Variants in DLEU7 observed in about 807,000 individuals in gnomAD.
The protein encoded by DLEU7 is leukemia-associated protein 7.
In DLEU7, 17 loss-of-function variants were observed where a neutral mutation model predicts 16.0. The observed-to-expected ratio is 1.06, with a 90% CI of 0.73 to 1.59. DLEU7 has a LOEUF of 1.59. Ranked by LOEUF, DLEU7 falls within the 40% of genes most tolerant of loss-of-function variation. DLEU7 has a pLI of 0.00. For synonymous variants in DLEU7, 113 were observed against 139.8 expected (o/e 0.81, Z 1.35); for missense variants, 308 against 314.9 (o/e 0.98, Z 0.17).
At chr13:50,734,308 A>G (rs1284305204) in intron 1 of DLEU7, among the ~76,000 whole-genome samples, 1 of 152,256 alleles carries the variant, frequency 6.6e-6, no homozygotes, top group Non-Finnish European at 1.5e-5. Context: ...GAGAACTGGT[A>G]CTACTAACCT....
intron 1 of DLEU7, among the ~76,000 whole-genome samples, chr13:50,763,315 A>C (rs1222355339): frequency 1.3e-5 from 2 of 152,190 alleles, no homozygotes; most frequent in Non-Finnish European, 2.9e-5. Flanking sequence ...TCACATTTGC[A>C]TTTTAGGAAA....
At chr13:50,843,909 A>C, upstream of DLEU7, 33 of 450,778 alleles carry the variant, frequency 7.3e-5, no homozygotes, top group Middle Eastern at 5.8e-4. The surrounding 1 kb of genome is among the most constrained non-coding windows in gnomAD (Gnocchi z 5.7). Context: ...AATCAGCGAA[A>C]TGCTGAGCGT....
At chr13:50,774,742 A>G (rs1875443698) in intron 1 of DLEU7, among the ~76,000 whole-genome samples, 1 of 151,822 alleles carries the variant, frequency 6.6e-6, no homozygotes. Flanking sequence ...TTTTGAGACA[A>G]TTGCACAGCT....
chr13:50,826,807 G>A (rs1249686132), intron 1 of DLEU7, among the ~76,000 whole-genome samples: 1 of 152,070 alleles, frequency 6.6e-6, no homozygotes. Context: ...GGACTTCAAC[G>A]AATGACAAGA....
At chr13:50,715,681 C>T (rs888806799) in intron 1 of DLEU7, among the ~76,000 whole-genome samples, 1 of 152,184 alleles carries the variant, frequency 6.6e-6, no homozygotes, top group African/African-American at 2.4e-5. Context: ...CTGGAGGAGA[C>T]GTGTGTTAGG....
chr13:50,785,039 G>T (rs1875761323), intron 1 of DLEU7, among the ~76,000 whole-genome samples: 1 of 152,150 alleles, frequency 6.6e-6, no homozygotes, highest in Non-Finnish European at 1.5e-5. Context: ...CATGCCCTAT[G>T]GAAGTGCCAT....
chr13:50,745,016 C>G (rs529612230), intron 1 of DLEU7, among the ~76,000 whole-genome samples: 95 of 152,078 alleles, frequency 6.2e-4, no homozygotes, highest in African/African-American at 1.9e-3. Flanking sequence ...GGTGGTTCCT[C>G]AAAAAAGGCA....
At chr13:50,755,759 G>C (rs373457878) in intron 1 of DLEU7, among the ~76,000 whole-genome samples, 36 of 151,838 alleles carry the variant, frequency 2.4e-4, no homozygotes, top group African/African-American at 8.5e-4. Context: ...TTTTGAGGGG[G>C]GGGGCACGGT....
At chr13:50,728,132 A>G (rs574920337) in intron 1 of DLEU7, among the ~76,000 whole-genome samples, 3 of 152,306 alleles carry the variant, frequency 2.0e-5, no homozygotes, top group South Asian at 4.1e-4. Flanking sequence ...AGCCCTGGCC[A>G]CAGGAACACC....
chr13:50,814,921 C>A (rs530055501), intron 1 of DLEU7, among the ~76,000 whole-genome samples: 6 of 151,822 alleles, frequency 4.0e-5, no homozygotes, highest in African/African-American at 1.4e-4. Flanking sequence ...GTGAAGAATT[C>A]ATCAGACTCC....
Position 50,769,871 on chromosome 13 carries a change from T to C in DLEU7, c.460-56631A>G, listed in dbSNP as rs140916199. 4.7e-3 allele frequency among the ~76,000 whole-genome samples: 709 copies of C among 152,356 alleles called. 11 individuals are homozygous for C. Among genetic ancestry groups the C allele is most frequent in the African/African-American group, 0.016 (682 of 41,588 alleles). ...GATGGCATTGAATCTATAAATTACC[T>C]TGGGCAGTATGGCCATTTTCACGAC... On this transcript the variant is annotated intron_variant, in intron 1 of 1. Transcript: ENST00000400393.
At chr13:50,746,209 A>C (rs1401237910) in intron 1 of DLEU7, among the ~76,000 whole-genome samples, 1 of 152,256 alleles carries the variant, frequency 6.6e-6, no homozygotes, top group Non-Finnish European at 1.5e-5. Flanking sequence ...AAACAAATAC[A>C]TATTTATTTA....
intron 1 of DLEU7, among the ~76,000 whole-genome samples, chr13:50,840,445 G>C (rs985025481): frequency 1.3e-5 from 2 of 152,138 alleles, no homozygotes; most frequent in Non-Finnish European, 2.9e-5. Flanking sequence ...GCTCCCAAGG[G>C]AACAAATCAT....
chr13:50,711,772 C>CCGGGGGGGA, downstream of DLEU7: 1 of 72,928 alleles, frequency 1.4e-5, no homozygotes, highest in African/African-American at 3.9e-5. Context: ...GACCCAGTGG[C>CCGGGGGGGA]GGGGGCGGGG....
chr13:50,808,445 C>T (rs1876460594), intron 1 of DLEU7: 1 of 152,050 alleles, frequency 6.6e-6, no homozygotes, highest in African/African-American at 2.4e-5. Flanking sequence ...CAAGAAGTAC[C>T]AAGTGTTTCT....
chr13:50,776,816 G>A (rs1294698922), intron 1 of DLEU7, among the ~76,000 whole-genome samples: 2 of 152,028 alleles, frequency 1.3e-5, no homozygotes, highest in Non-Finnish European at 2.9e-5. Flanking sequence ...GCCATGTTCT[G>A]GAATAGAAAT....
Position 50,712,903 on chromosome 13 carries a change from A to T in DLEU7, c.*314T>A, listed in dbSNP as rs566970513. The T allele has an allele frequency of 2.7e-4, 90 of 330,714 alleles. No homozygotes were observed. In the South Asian group the frequency reaches 6.0e-3, roughly 22 times the overall value. The allele number at this position is 330,714 out of a possible 1,614,324, so 20.5% of individuals were successfully genotyped here. A position where few individuals can be genotyped will look rare whatever the true frequency, so the allele number is the denominator to read the frequency against. On this transcript the variant is annotated 3_prime_UTR_variant, in exon 2 of 2. Coordinates refer to the DLEU7 transcript ENST00000400393. ...GGGATAATTTTCCTGAAGAGCAAACAGGGGTAGGGAATTTGTCACGATCTT... is the reference window on the plus strand; with the variant it reads ...GGGATAATTTTCCTGAAGAGCAAACTGGGGTAGGGAATTTGTCACGATCTT...
chr13:50,776,793 T>C (rs532300515), intron 1 of DLEU7, among the ~76,000 whole-genome samples: 1 of 152,358 alleles, frequency 6.6e-6, no homozygotes, highest in East Asian at 1.9e-4. Context: ...GGAGGGTTTC[T>C]ATTATCTTTT....
intron 1 of DLEU7, among the ~76,000 whole-genome samples, chr13:50,789,945 C>CTTTT (rs750516352): frequency 4.3e-5 from 3 of 70,296 alleles, no homozygotes; most frequent in Non-Finnish European, 6.3e-5. Context: ...TTCTTTCTTT[C>CTTTT]TTTTTTTTTT....
Sources: allele counts gnomAD v4.1 joint callset (sites outside exome capture counted in the v4.1 genomes callset), GRCh38; gene constraint gnomAD v4.1.1; non-coding constraint Gnocchi (gnomAD v3.1); transcripts MANE v1.5; gene names NCBI Gene and HGNC (gene_info 2026-07-23, HGNC 2026-07-21).